Variants in CRTC3 observed in about 807,000 individuals in gnomAD.
CRTC3 encodes CREB-regulated transcription coactivator 3.
CRTC3 carries 26 observed loss-of-function variants against 74.5 expected under a neutral mutation model. That is an observed-to-expected ratio of 0.35 (90% CI 0.26 to 0.48). The LOEUF is 0.48. Among genes scored for constraint, CRTC3 ranks in the 20% least tolerant of loss-of-function variants. The pLI is 0.99. For missense variants in CRTC3, 760 were observed against 787.3 expected (o/e 0.97, Z 0.41); for synonymous variants, 377 against 325.8 (o/e 1.16, Z -1.69).
intron 11 of CRTC3, among the ~76,000 whole-genome samples, chr15:90,634,237 C>T (rs10852137): frequency 0.22 from 32,949 of 151,614 alleles, 3,976 homozygotes; most frequent in African/African-American, 0.32. Flanking sequence ...CTCAGCCTCC[C>T]GAATAGCTGG....
chr15:90,601,216 TTG>T (rs1168081927), intron 3 of CRTC3, among the ~76,000 whole-genome samples: 2 of 152,200 alleles, frequency 1.3e-5, no homozygotes, highest in African/African-American at 2.4e-5. Flanking sequence ...AGCATCCCAT[TTG>T]TGTCTCCGTG....
At chr15:90,611,501 T>G (rs1283278077) in intron 6 of CRTC3, among the ~76,000 whole-genome samples, 1 of 152,046 alleles carries the variant, frequency 6.6e-6, no homozygotes, top group Non-Finnish European at 1.5e-5. Context: ...ATCTTGTGGG[T>G]TTTTAATTTA....
intron 3 of CRTC3, chr15:90,598,622 A>G (rs955068127): frequency 1.5e-6 from 1 of 676,394 alleles, no homozygotes; most frequent in East Asian, 2.7e-5. Context: ...GAGATGGACT[A>G]TAAGAAGAGG....
chr15:90,530,305 G>A lies in CRTC3; in HGVS notation c.132+102G>A. 2 of 695,176 alleles carry A rather than the reference G, an allele frequency of 2.9e-6. No individual in the cohort carries two copies. Among genetic ancestry groups the A allele is most frequent in the African/African-American group, 1.9e-5 (1 of 51,412 alleles). 43.1% of individuals were successfully genotyped at this position (695,176 alleles called of 1,614,324 possible). A position where few individuals can be genotyped will look rare whatever the true frequency, so the allele number is the denominator to read the frequency against. On this transcript the variant is annotated intron_variant, in intron 1 of 14. Coordinates refer to ENST00000268184, the MANE Select transcript of CRTC3 (RefSeq NM_022769.5). The surrounding 1 kb of genome is among the most constrained non-coding windows in gnomAD (Gnocchi z 6.2). ...GGCCAAGGCGATGGCGGGGCCGGGCGGGGGCCGCGCCCGGGAACCGGCGGC... is the reference window on the plus strand; with the variant it reads ...GGCCAAGGCGATGGCGGGGCCGGGCAGGGGCCGCGCCCGGGAACCGGCGGC...
intron 9 of CRTC3, among the ~76,000 whole-genome samples, chr15:90,625,368 T>C (rs1423459575): frequency 6.6e-6 from 1 of 151,958 alleles, no homozygotes; most frequent in Non-Finnish European, 1.5e-5. Flanking sequence ...TAAAAATATA[T>C]CTTGGAAGGT....
At chr15:90,531,661 G>C (rs1966629031) in intron 1 of CRTC3, among the ~76,000 whole-genome samples, 1 of 152,140 alleles carries the variant, frequency 6.6e-6, no homozygotes, top group Admixed American at 6.5e-5. Flanking sequence ...CTGTGACCTT[G>C]GTTAGATTCA....
At chr15:90,542,414 G>C (rs1445454685) in intron 2 of CRTC3, among the ~76,000 whole-genome samples, 1 of 150,748 alleles carries the variant, frequency 6.6e-6, no homozygotes, top group Non-Finnish European at 1.5e-5. Flanking sequence ...CCTGACCTCA[G>C]GTGATCCGCC....
chr15:90,613,532 C>G (rs868827640), intron 6 of CRTC3: 15 of 152,196 alleles, frequency 9.9e-5, no homozygotes, highest in African/African-American at 3.6e-4. Flanking sequence ...CTGTATCACC[C>G]GGCCCCACCT....
chr15:90,625,020 G>C (rs1968782306), intron 9 of CRTC3: 1 of 152,534 alleles, frequency 6.6e-6, no homozygotes. Context: ...CAAGAAGTCT[G>C]AGAATTCTAC....
intron 2 of CRTC3, among the ~76,000 whole-genome samples, chr15:90,544,524 T>A (rs1966840991): frequency 6.6e-6 from 1 of 152,244 alleles, no homozygotes; most frequent in African/African-American, 2.4e-5. Context: ...TCTATGGATG[T>A]AGATAATTTA....
intron 4 of CRTC3, among the ~76,000 whole-genome samples, chr15:90,603,181 T>G (rs11854778): frequency 6.6e-6 from 1 of 152,016 alleles, no homozygotes. Flanking sequence ...CGGTGGCTCA[T>G]GCCTGTAATC....
chr15:90,538,858 A>G (rs985422843), intron 1 of CRTC3, among the ~76,000 whole-genome samples: 2 of 151,160 alleles, frequency 1.3e-5, no homozygotes, highest in African/African-American at 4.9e-5. Flanking sequence ...AAATGGGCAT[A>G]TGGGCTTTGA....
At chr15:90,614,134 T>C (rs1473148876) in intron 6 of CRTC3, 1 of 250,898 alleles carries the variant, frequency 4.0e-6, no homozygotes, top group Non-Finnish European at 7.7e-6. Context: ...TTTCCATCTA[T>C]ACTTCTTTAC....
chr15:90,635,318 T>C (rs148822793), intron 11 of CRTC3, among the ~76,000 whole-genome samples: 113 of 152,226 alleles, frequency 7.4e-4, no homozygotes, highest in African/African-American at 2.5e-3. Context: ...AGCTTGGTCA[T>C]TTCCTTGGGA....
chr15:90,629,707 T>C (rs1351581817), intron 11 of CRTC3, among the ~76,000 whole-genome samples, 175 bp downstream of exon 11: 2 of 152,228 alleles, frequency 1.3e-5, no homozygotes, highest in Admixed American at 6.5e-5. Context: ...GTGTCAATAA[T>C]GCAGAATGAA....
chr15:90,638,500 C>G lies in CRTC3; in HGVS notation c.1321C>G (p.Gln441Glu), dbSNP rs1969320175. 9.9e-6 allele frequency: 16 copies of G among 1,613,902 alleles called. No individual in the cohort carries two copies. Among genetic ancestry groups the G allele is most frequent in the Admixed American group, 1.7e-5 (1 of 59,996 alleles). ...LSFLPTEAQAQVSPPPPYPAP... is the reference protein window; with the variant it reads ...LSFLPTEAQAEVSPPPPYPAP... ...CTTTCTGCCCACAGAAGCTCAAGCC[C>G]AGGTGTCGCCGCCACCCCCTTACCC... The change falls in exon 12 of 15, where the codon CAG becomes GAG. Residue 441 changes from glutamine (Q) to glutamate (E), a missense_variant. Coordinates refer to ENST00000268184, the MANE Select transcript of CRTC3 (RefSeq NM_022769.5).
rs993582393 is a variant in CRTC3 at position 90,607,418 on chromosome 15, A to G, written c.517A>G (p.Thr173Ala). The G allele has an allele frequency of 1.2e-6, 2 of 1,613,450 alleles. No individual in the cohort carries two copies. The highest frequency in any genetic ancestry group is 8.5e-7 in the Non-Finnish European group (1 of 1,179,724). The change falls in exon 6 of 15, where the codon ACC (threonine) becomes GCC (alanine). Residue 173 changes from threonine to alanine, a missense_variant. Around this residue, in one of 2 missense-constraint regions of CRTC3, gnomAD observed 652 missense variants for 635.2 expected, o/e 1.03. Coordinates refer to ENST00000268184, the MANE Select transcript of CRTC3 (RefSeq NM_022769.5). Reference sequence around the variant, plus strand: ...TGCTCTTCACACGAGTGCTCTGAGTACCAAGCCCCAGGACCCCTATGGAGG... The same window carrying G: ...TGCTCTTCACACGAGTGCTCTGAGTGCCAAGCCCCAGGACCCCTATGGAGG... Reference protein sequence around the residue: ...DSALHTSALSTKPQDPYGGGG... With the variant: ...DSALHTSALSAKPQDPYGGGG...
chr15:90,627,407 G>C (rs1968876507), intron 10 of CRTC3, among the ~76,000 whole-genome samples: 1 of 152,036 alleles, frequency 6.6e-6, no homozygotes, highest in South Asian at 2.1e-4. Context: ...CACCTTTTGG[G>C]TGAATCCTCA....
intron 6 of CRTC3, 64 bp downstream of exon 6, chr15:90,607,542 G>A: frequency 9.6e-7 from 1 of 1,045,776 alleles, no homozygotes; most frequent in Non-Finnish European, 1.4e-6. Context: ...GGAACCAAGG[G>A]AGAGAGAAGC....
Sources: gnomAD v4.1 joint callset for allele counts (sites outside exome capture counted in the v4.1 genomes callset) on GRCh38, gnomAD v4.1.1 for gene constraint, gnomAD v4.1.1 regional missense constraint, Gnocchi (gnomAD v3.1) non-coding constraint, MANE v1.5 for transcripts, NCBI Gene and HGNC (gene_info 2026-07-23, HGNC 2026-07-21) for gene names.